Variants in CACTIN observed in about 807,000 individuals in gnomAD.
CACTIN encodes the protein cactin, spliceosome C complex subunit.
Under a neutral mutation model 84.9 loss-of-function variants are expected in CACTIN, and 20 were observed. The observed-to-expected ratio is 0.24, with a 90% CI of 0.17 to 0.34. The LOEUF is 0.34. CACTIN is among the 10% of genes least tolerant of loss of function. The pLI, the probability that CACTIN is intolerant of heterozygous loss-of-function variation, is 1.00. For synonymous variants in CACTIN, 549 were observed against 467.9 expected (o/e 1.17, Z -2.24); for missense variants, 897 against 1,117.2 (o/e 0.80, Z 2.81).
chr19:3,612,147 G>C lies in CACTIN; in HGVS notation c.2053C>G (p.Leu685Val). The C allele has an allele frequency of 3.1e-6, 5 of 1,613,766 alleles. No homozygotes were observed. The highest frequency in any genetic ancestry group is 3.4e-6 in the Non-Finnish European group (4 of 1,179,912). The stretch of plus-strand genomic sequence containing the variant: ...TCGGGCGTGGAGCGCTTGTCGATGA[G>C]GTCGGGGTAGAAGATGTTGAACTTG... ...GYKFNIFYPD[L>V]IDKRSTPEYF... Residue 685 changes from leucine to valine, a missense_variant, in exon 10 of 10, where the codon CTC (leucine) becomes GTC (valine). Transcript: ENST00000429344.
chr19:3,621,176 T>C (rs1214848964), intron 2 of CACTIN: 2 of 385,012 alleles, frequency 5.2e-6, no homozygotes, highest in African/African-American at 4.2e-5. Context: ...GTCTGAGTGC[T>C]TCGGACGTGA....
At chr19:3,612,839 C>A (rs1427069515) in intron 9 of CACTIN, 1 of 725,214 alleles carries the variant, frequency 1.4e-6, no homozygotes, top group Non-Finnish European at 2.5e-6. Flanking sequence ...CTTCCACCAC[C>A]TGTGGCCCCA....
Position 3,620,126 on chromosome 19 carries a change from C to T in CACTIN, c.884+1G>A. On this transcript the variant is annotated splice_donor_variant, in intron 4 of 9. Coordinates refer to ENST00000429344, the MANE Select transcript of CACTIN (RefSeq NM_001080543.2). LOFTEE classifies it high-confidence loss of function. ...GGAGGGAGGGGGAGGCCCCAGCGCA[C>T]CGCAGCTTGGCCTGCTGGAGGTGGA... 6.2e-7 allele frequency: 1 copy of T among 1,610,282 alleles called. No homozygotes were observed. The highest frequency in any genetic ancestry group is 8.5e-7 in the Non-Finnish European group (1 of 1,179,744).
At chr19:3,613,027 C>T in intron 9 of CACTIN, 31 bp downstream of exon 9, 1 of 1,498,816 alleles carries the variant, frequency 6.7e-7, no homozygotes, top group Non-Finnish European at 8.9e-7. Flanking sequence ...CCCCACTGGC[C>T]CCACCCCCTG....
chr19:3,618,831 G>A, intron 6 of CACTIN, 44 bp downstream of exon 6: 1 of 1,422,818 alleles, frequency 7.0e-7, no homozygotes. Flanking sequence ...GAACACTGTA[G>A]CCCCCGCAGC....
chr19:3,624,621 G>A (rs566727074), intron 1 of CACTIN, among the ~76,000 whole-genome samples: 6 of 152,080 alleles, frequency 3.9e-5, no homozygotes, highest in African/African-American at 1.2e-4. Flanking sequence ...GACAGAGTGT[G>A]GGGGAGAGGG....
rs148871859 is a variant in CACTIN at position 3,617,471 on chromosome 19, C to T, written c.1162+1404G>A. On this transcript the variant is annotated intron_variant, in intron 6 of 9. Transcript: ENST00000429344. ...CCACCTGGGGTCCCCAACTGTAACG[C>T]GTGAGGGGAAAGGAGGGCTGAGCGA... Among the ~76,000 whole-genome samples the T allele has an allele frequency of 1.6e-3, 240 of 152,196 alleles. 1 individual carries two copies. The highest frequency in any genetic ancestry group is 5.5e-3 in the African/African-American group (230 of 41,526).
At chr19:3,618,286 G>A (rs2033149266) in intron 6 of CACTIN, among the ~76,000 whole-genome samples, 1 of 152,118 alleles carries the variant, frequency 6.6e-6, no homozygotes, top group African/African-American at 2.4e-5. Context: ...ACCCTGGGTG[G>A]AGGCCAGGGA....
chr19:3,619,910 G>A (rs996656250), intron 4 of CACTIN, among the ~76,000 whole-genome samples: 1 of 152,176 alleles, frequency 6.6e-6, no homozygotes, highest in Non-Finnish European at 1.5e-5. Flanking sequence ...CATGCGTGGG[G>A]TGCCGTTCAC....
chr19:3,623,685 C>T lies in CACTIN; in HGVS notation c.642+3G>A. 4 of 1,598,748 alleles carry T rather than the reference C, an allele frequency of 2.5e-6. No homozygotes were observed. Among genetic ancestry groups the T allele is most frequent in the Non-Finnish European group, 3.4e-6 (4 of 1,170,372 alleles). ...ACAGAGGCCACCACCCGGCGGGGCC[C>T]ACCTTATTCCAGATGAAGGTGCCCA... On this transcript the variant is annotated splice_donor_region_variant and intron_variant, in intron 2 of 9. Coordinates refer to ENST00000429344, the MANE Select transcript of CACTIN (RefSeq NM_001080543.2).
intron 2 of CACTIN, 180 bp from the exon 3 acceptor site, chr19:3,620,982 C>A (rs2033211837): frequency 4.3e-6 from 3 of 698,064 alleles, no homozygotes; most frequent in Non-Finnish European, 7.8e-6. Flanking sequence ...CAATTCAGTG[C>A]AGACATGGAG....
rs2032943092 is a variant in CACTIN, at chr19:3,611,288, CAG to C, written c.*633_*634del. ...GGGGTGAGTTGGGGGCCAGTCCCTG[CAG>C]AGTGTGGGTGTCCACAGAGGGTCTC... On this transcript the variant is annotated 3_prime_UTR_variant, in exon 10 of 10. Transcript: ENST00000429344. The C allele has an allele frequency of 2.2e-6, 1 of 454,532 alleles. No individual in the cohort carries two copies. The highest frequency in any genetic ancestry group is 2.0e-5 in the African/African-American group (1 of 49,974). 28.2% of individuals were successfully genotyped at this position (454,532 alleles called of 1,614,324 possible).
Position 3,611,161 on chromosome 19 carries a change from G to A in CACTIN, c.*762C>T, listed in dbSNP as rs1261809950. The A allele has an allele frequency of 7.7e-6, 3 of 391,842 alleles. No homozygotes were observed. Among genetic ancestry groups the A allele is most frequent in the South Asian group, 1.9e-5 (1 of 53,892 alleles). 24.3% of individuals were successfully genotyped at this position (391,842 alleles called of 1,614,324 possible). A position where few individuals can be genotyped will look rare whatever the true frequency, so the allele number is the denominator to read the frequency against. On this transcript the variant is annotated 3_prime_UTR_variant, in exon 10 of 10. Coordinates refer to ENST00000429344, the MANE Select transcript of CACTIN (RefSeq NM_001080543.2). ...GGCCCTGTGCTCAGAGGTGGGGGGA[G>A]GACGGCTCAGTGACTTTTGGTTCCC... is the stretch of plus-strand genomic sequence containing the variant.
Position 3,623,727 on chromosome 19 carries a change from G to A in CACTIN, c.603C>T (p.Phe201=), listed in dbSNP as rs757495702. ...YMGYTNTDNP[F]GDNNLLGTFI... is the part of the protein sequence containing the mutation. ...AGGTGCCCAGCAGGTTGTTGTCTCC[G>A]AAGGGGTTGTCGGTGTTGGTGTAGC... is the stretch of plus-strand genomic sequence containing the variant. The change falls in exon 2 of 10, where the codon TTC becomes TTT. Residue 201 remains phenylalanine, a synonymous_variant. Coordinates refer to ENST00000429344, the MANE Select transcript of CACTIN (RefSeq NM_001080543.2). 16 of 1,613,384 alleles carry A rather than the reference G, an allele frequency of 9.9e-6. No homozygotes were observed. Among genetic ancestry groups the A allele is most frequent in the East Asian group, 8.9e-5 (4 of 44,872 alleles).
At chr19:3,620,518 G>A (rs570209743) in intron 3 of CACTIN, 189 bp downstream of exon 3, 30 of 659,932 alleles carry the variant, frequency 4.5e-5, no homozygotes, top group African/African-American at 7.2e-5. Flanking sequence ...GTGAAGGCCC[G>A]AGGCCAGCAG....
At chr19:3,614,637 G>A (rs930415335) in intron 6 of CACTIN, 48 bp from the exon 7 acceptor site, 14 of 1,492,854 alleles carry the variant, frequency 9.4e-6, no homozygotes, top group South Asian at 2.4e-5. Flanking sequence ...TTTCCTACGT[G>A]CTCCTCCACC....
intron 6 of CACTIN, among the ~76,000 whole-genome samples, chr19:3,616,964 T>C (rs2033117782): frequency 6.6e-6 from 1 of 151,240 alleles, no homozygotes; most frequent in South Asian, 2.1e-4. Context: ...TCCTTAAAAA[T>C]ACAAAAATTA....
chr19:3,610,948 C>T lies in CACTIN; in HGVS notation c.*975G>A, dbSNP rs759539157. On this transcript the variant is annotated 3_prime_UTR_variant, in exon 10 of 10. Transcript: ENST00000429344. The stretch of plus-strand genomic sequence containing the variant: ...CCACTCCGACCTGGGCTGTGGCACC[C>T]GTGTGGCCCTCGGCCCTCCTGGCCT... 2.0e-5 allele frequency: 9 copies of T among 456,610 alleles called. No individual in the cohort carries two copies. Among genetic ancestry groups the T allele is most frequent in the East Asian group, 6.9e-5 (1 of 14,406 alleles). The allele number at this position is 456,610 out of a possible 1,614,324, so 28.3% of individuals were successfully genotyped here. A position where few individuals can be genotyped will look rare whatever the true frequency, so the allele number is the denominator to read the frequency against.
intron 2 of CACTIN, among the ~76,000 whole-genome samples, chr19:3,623,180 A>G (rs968426432): frequency 6.6e-6 from 1 of 152,190 alleles, no homozygotes; most frequent in African/African-American, 2.4e-5. Flanking sequence ...GGCTGCAGTT[A>G]GCCACGATCA....
Sources: allele counts gnomAD v4.1 joint callset (sites outside exome capture counted in the v4.1 genomes callset), GRCh38; gene constraint gnomAD v4.1.1; transcripts MANE v1.5; gene names NCBI Gene and HGNC (gene_info 2026-07-23, HGNC 2026-07-21).